FNBP1L: variants seen among roughly 807,000 people sequenced by gnomAD.
FNBP1L encodes the protein formin binding protein 1 like, also known as formin-binding protein 1-like.
Under a neutral mutation model 91.2 loss-of-function variants are expected in FNBP1L, and 36 were observed. The observed-to-expected ratio is 0.39, with a 90% CI of 0.30 to 0.52. The LOEUF is 0.52. FNBP1L is among the 20% of genes least tolerant of loss of function. FNBP1L has a pLI of 0.66. For missense variants in FNBP1L, 571 were observed against 732.1 expected (o/e 0.78, Z 2.54); for synonymous variants, 242 against 237.0 (o/e 1.02, Z -0.19).
At chr1:93,448,820 C>T (rs942268407) in intron 1 of FNBP1L, among the ~76,000 whole-genome samples, 2 of 152,154 alleles carry the variant, frequency 1.3e-5, no homozygotes, top group Admixed American at 6.5e-5. Context: ...CCGCCCAGAG[C>T]CCTCGCCCCA....
At chr1:93,515,651 A>G (rs1034401695) in intron 2 of FNBP1L, among the ~76,000 whole-genome samples, 1 of 151,568 alleles carries the variant, frequency 6.6e-6, no homozygotes, top group Admixed American at 6.6e-5. Flanking sequence ...CATTCTCAGT[A>G]AACTATCGCA....
In FNBP1L at chr1:93,524,601, T is replaced by TA. The variant is rs1553218583; in HGVS notation, c.405+279dup. Among the ~76,000 whole-genome samples the TA allele has an allele frequency of 8.5e-5, 12 of 140,686 alleles. No homozygotes were observed. The South Asian group carries it at 1.5e-3, about 18-fold the overall frequency. 92.3% of individuals were successfully genotyped at this position (140,686 alleles called of 152,430 possible). A position where few individuals can be genotyped will look rare whatever the true frequency, so the allele number is the denominator to read the frequency against. On this transcript the variant is annotated intron_variant, in intron 5 of 16. Coordinates refer to ENST00000271234, the MANE Select transcript of FNBP1L (RefSeq NM_001164473.3). ...AGATTCTTTTTTTTTTTTTTTTTTT[T>TA]ACTTTAAAGTAGTTACTATAAAGTA...
At position 93,482,763 on chromosome 1, in the gene FNBP1L, T is replaced by C. The variant is rs557264456; in HGVS notation, c.25-16705T>C. On this transcript the variant is annotated intron_variant, in intron 1 of 16. Transcript: ENST00000271234. ...ACAAAAACTTAGTGGCTCACGCCTG[T>C]AATCCCAGCACTTTGGGAGGCCGAG... is the stretch of plus-strand genomic sequence containing the variant. Among the ~76,000 whole-genome samples, 28 of 152,178 alleles carry C rather than the reference T, an allele frequency of 1.8e-4. No homozygotes were observed. In the South Asian group the frequency reaches 3.3e-3, roughly 18 times the overall value.
intron 1 of FNBP1L, among the ~76,000 whole-genome samples, chr1:93,448,650 C>T (rs1443657484): frequency 6.6e-6 from 1 of 152,164 alleles, no homozygotes; most frequent in African/African-American, 2.4e-5. Flanking sequence ...TGGCTTCGCG[C>T]CCGGCGGCTC....
intron 1 of FNBP1L, among the ~76,000 whole-genome samples, chr1:93,461,928 G>C (rs1183380348): frequency 1.3e-5 from 2 of 152,178 alleles, no homozygotes; most frequent in Non-Finnish European, 2.9e-5. Context: ...AGGCCTGTTA[G>C]TGAAGGACTC....
chr1:93,546,496 A>G (rs1443122369), intron 12 of FNBP1L, among the ~76,000 whole-genome samples: 4 of 152,092 alleles, frequency 2.6e-5, no homozygotes, highest in African/African-American at 9.7e-5. Context: ...GTTGGAATAT[A>G]ATGAGTTTGA....
intron 1 of FNBP1L, among the ~76,000 whole-genome samples, chr1:93,480,831 G>A (rs1460197743): frequency 6.6e-6 from 1 of 152,034 alleles, no homozygotes; most frequent in Admixed American, 6.6e-5. Flanking sequence ...CAAAGTGCTG[G>A]GATTACAGGC....
intron 15 of FNBP1L, 39 bp from the exon 16 acceptor site, chr1:93,550,908 C>T: frequency 6.8e-7 from 1 of 1,471,748 alleles, no homozygotes; most frequent in Non-Finnish European, 9.0e-7. Flanking sequence ...AAAAAATTAT[C>T]ACAATGCTTA....
At chr1:93,474,657 A>G (rs1001270725) in intron 1 of FNBP1L, among the ~76,000 whole-genome samples, 4 of 152,088 alleles carry the variant, frequency 2.6e-5, no homozygotes, top group African/African-American at 7.2e-5. Flanking sequence ...TAAAAATCCT[A>G]CCCAGGTTAT....
intron 1 of FNBP1L, among the ~76,000 whole-genome samples, chr1:93,482,846 C>T (rs7546702): frequency 0.48 from 72,129 of 151,664 alleles, 20,524 homozygotes; most frequent in Non-Finnish European, 0.61. Flanking sequence ...GGTGAAACCC[C>T]GTCTCTACTA....
At position 93,530,846 on chromosome 1, in the gene FNBP1L, A is replaced by T; in HGVS notation, c.602A>T (p.His201Leu). The change falls in exon 7 of 17, where the codon CAT (histidine) becomes CTT (leucine). Residue 201 changes from histidine (H) to leucine (L), a missense_variant. This residue lies in a region of FNBP1L where 220 missense variants were observed against 313.6 expected (regional missense o/e 0.70). Coordinates refer to ENST00000271234, the MANE Select transcript of FNBP1L (RefSeq NM_001164473.3). ...TTACAAAACTTTAATGGAGAACAAC[A>T]TAAACATTTTTATGTAGTGATTCCT... ...AQLQNFNGEQ[H>L]KHFYVVIPQI... 2.6e-6 allele frequency: 4 copies of T among 1,554,560 alleles called. No individual in the cohort carries two copies. Among genetic ancestry groups the T allele is most frequent in the Non-Finnish European group, 3.5e-6 (4 of 1,147,284 alleles).
At chr1:93,539,468 A>T (rs1405028988) in intron 10 of FNBP1L, among the ~76,000 whole-genome samples, 1 of 152,024 alleles carries the variant, frequency 6.6e-6, no homozygotes, top group Non-Finnish European at 1.5e-5. Context: ...AAATCTAATT[A>T]TCAAATTTCC....
intron 1 of FNBP1L, among the ~76,000 whole-genome samples, chr1:93,458,164 T>C (rs913804502): frequency 2.6e-5 from 4 of 152,246 alleles, no homozygotes; most frequent in Admixed American, 2.6e-4. Context: ...TTTTTGGTTT[T>C]GTTTTCTGAA....
Position 93,534,880 on chromosome 1 carries a change from A to G in FNBP1L, c.962A>G (p.Lys321Arg). 6.3e-7 allele frequency: 1 copy of G among 1,574,880 alleles called. No individual in the cohort carries two copies. The highest frequency in any genetic ancestry group is 1.2e-5 in the South Asian group (1 of 85,460). ...ACCACAGTAGGAAAGGCCAAGGGCA[A>G]ATTGTGGCTCTTTGGAAAGAAGCCA... ...AKTTVGKAKG[K>R]LWLFGKKPKP... Residue 321 changes from lysine to arginine, a missense_variant, in exon 9 of 17, where the codon AAA (lysine) becomes AGA (arginine). Transcript: ENST00000271234.
intron 16 of FNBP1L, chr1:93,551,638 T>G (rs1672419870): frequency 1.0e-6 from 1 of 984,792 alleles, no homozygotes; most frequent in African/African-American, 1.7e-5. Context: ...CATTTTCATT[T>G]TCTTACCTAT....
At chr1:93,499,331 T>C in intron 1 of FNBP1L, 137 bp from the exon 2 acceptor site, 2 of 637,850 alleles carry the variant, frequency 3.1e-6, no homozygotes, top group Non-Finnish European at 2.8e-6. Context: ...AAGGGTGAAG[T>C]GGGGGAGCTA....
intron 1 of FNBP1L, among the ~76,000 whole-genome samples, chr1:93,455,386 G>A (rs1416951879): frequency 6.6e-6 from 1 of 152,144 alleles, no homozygotes; most frequent in Non-Finnish European, 1.5e-5. Context: ...ACAAGGTCTC[G>A]CTGTATTGCT....
intron 1 of FNBP1L, among the ~76,000 whole-genome samples, chr1:93,482,930 A>G (rs960348981): frequency 6.6e-6 from 1 of 151,252 alleles, no homozygotes; most frequent in Non-Finnish European, 1.5e-5. Context: ...AGGCAGGAGA[A>G]TGGCTTGAAC....
Position 93,499,550 on chromosome 1 carries a change from T to C in FNBP1L, c.107T>C (p.Ile36Thr). ...TATGCCAAATTTGTTAAAGAGAGGA[T>C]AGAAATTGAACAGAACTATGCGAAA... is the stretch of plus-strand genomic sequence containing the variant. ...ERYAKFVKER[I>T]EIEQNYAKQL... is the part of the protein sequence containing the mutation. The change falls in exon 2 of 17, where the codon ATA becomes ACA. Residue 36 changes from isoleucine to threonine, a missense_variant. Ile to Thr is a moderately conservative substitution (Grantham distance 89). Transcript: ENST00000271234. The C allele has an allele frequency of 1.2e-6, 2 of 1,601,580 alleles. No individual in the cohort carries two copies. The highest frequency in any genetic ancestry group is 2.2e-5 in the East Asian group (1 of 44,670).
Sources: gnomAD v4.1 joint callset for allele counts (sites outside exome capture counted in the v4.1 genomes callset) on GRCh38, gnomAD v4.1.1 for gene constraint, gnomAD v4.1.1 regional missense constraint, MANE v1.5 for transcripts, NCBI Gene and HGNC (gene_info 2026-07-23, HGNC 2026-07-21) for gene names.